Variants in RALYL observed in about 807,000 individuals in gnomAD.
RALYL encodes the protein RNA-binding Raly-like protein.
RALYL carries 29 observed loss-of-function variants against 35.1 expected under a neutral mutation model. The ratio of observed to expected loss-of-function variants is 0.83; its 90% CI spans 0.61 to 1.13. The LOEUF is 1.13. RALYL is among the 50% of genes most tolerant of loss of function. RALYL has a pLI of 0.00. For synonymous variants in RALYL, 120 were observed against 127.6 expected, an observed-to-expected ratio of 0.94 and a Z score of 0.40; for missense variants, 359 against 360.4, an observed-to-expected ratio of 1.00 and a Z score of 0.03.
chr8:84,430,956 T>C lies in RALYL; in HGVS notation c.-23-98343T>C, dbSNP rs555222910. ...CAGCTGGGCTTCATAATGTCCTACTTATTTCCTGTGTTATGTGAGGTTTGT... is the reference window on the plus strand; with the variant it reads ...CAGCTGGGCTTCATAATGTCCTACTCATTTCCTGTGTTATGTGAGGTTTGT... On this transcript the variant is annotated intron_variant, in intron 1 of 8. Coordinates refer to ENST00000521268, the MANE Select transcript of RALYL (RefSeq NM_173848.7). Among the ~76,000 whole-genome samples the C allele has an allele frequency of 3.9e-5, 6 of 152,256 alleles. No individual in the cohort carries two copies. In the East Asian group the frequency reaches 1.2e-3, roughly 29 times the overall value.
At chr8:84,782,031 GCACA>G (rs35098202) in intron 3 of RALYL, among the ~76,000 whole-genome samples, 15,609 of 148,290 alleles carry the variant, frequency 0.11, 1,738 homozygotes, top group African/African-American at 0.29. Context: ...GCACACGCGC[GCACA>G]CACACACACA....
chr8:84,879,936 T>C (rs1292270799), intron 7 of RALYL, among the ~76,000 whole-genome samples: 2 of 151,990 alleles, frequency 1.3e-5, no homozygotes, highest in Non-Finnish European at 1.5e-5. Flanking sequence ...GGAGATAAAA[T>C]TGAACTCAAC....
chr8:84,702,702 A>C (rs1312044500), intron 2 of RALYL, among the ~76,000 whole-genome samples: 1 of 151,688 alleles, frequency 6.6e-6, no homozygotes, highest in African/African-American at 2.4e-5. Flanking sequence ...TATATTATAC[A>C]TTTATATTAA....
At chr8:84,437,987 CA>C (rs1190568750) in intron 1 of RALYL, among the ~76,000 whole-genome samples, 1 of 152,112 alleles carries the variant, frequency 6.6e-6, no homozygotes, top group Non-Finnish European at 1.5e-5. Context: ...TATAGCAATG[CA>C]AGAACAGCCT....
rs565885707 is a variant in RALYL, at chr8:84,278,128, G to A, written c.-24+93704G>A. ...CAAACTTCTGCCTAGACATACAGGA[G>A]TTTCCATACATCCTCTGAAATCTAG... On this transcript the variant is annotated intron_variant, in intron 1 of 8. Coordinates refer to ENST00000521268, the MANE Select transcript of RALYL (RefSeq NM_173848.7). 2.1e-3 allele frequency among the ~76,000 whole-genome samples: 318 copies of A among 152,338 alleles called. 1 individual carries two copies. The highest frequency in any genetic ancestry group is 5.9e-3 in the Admixed American group (91 of 15,312).
Position 84,641,383 on chromosome 8 carries a change from G to A in RALYL, c.256+111806G>A, listed in dbSNP as rs559080427. 3.3e-5 allele frequency among the ~76,000 whole-genome samples: 5 copies of A among 151,782 alleles called. No individual in the cohort carries two copies. The South Asian group carries it at 1.0e-3, about 31-fold the overall frequency. On this transcript the variant is annotated intron_variant, in intron 2 of 8. Coordinates refer to ENST00000521268, the MANE Select transcript of RALYL (RefSeq NM_173848.7). ...AGAAATCCTGAACTATTTGTCAGAT[G>A]TTAGCATTTTATAGATTAAGCCATT...
chr8:84,787,360 A>C (rs1232721612), intron 3 of RALYL, among the ~76,000 whole-genome samples: 1 of 152,180 alleles, frequency 6.6e-6, no homozygotes, highest in Non-Finnish European at 1.5e-5. Context: ...ATGGCTGCAT[A>C]GTATTCCATT....
At chr8:84,209,300 ACCTCCC>A (rs1395197705) in intron 1 of RALYL, among the ~76,000 whole-genome samples, 3 of 151,958 alleles carry the variant, frequency 2.0e-5, no homozygotes, top group Non-Finnish European at 2.9e-5. Flanking sequence ...GTTTTTTGTA[ACCTCCC>A]TTTCTGTGGC....
intron 7 of RALYL, among the ~76,000 whole-genome samples, chr8:84,881,919 A>C (rs1337826896): frequency 6.6e-6 from 1 of 151,992 alleles, no homozygotes; most frequent in Non-Finnish European, 1.5e-5. Context: ...TTATAAGATC[A>C]GAAATTTAAA....
At chr8:84,379,663 AAAAAAC>A (rs1437067413) in intron 1 of RALYL, among the ~76,000 whole-genome samples, 3 of 151,860 alleles carry the variant, frequency 2.0e-5, no homozygotes, top group Non-Finnish European at 4.4e-5. Context: ...ACAAACAAAC[AAAAAAC>A]AAAAACAAAA....
At chr8:84,468,664 G>C (rs888564718) in intron 1 of RALYL, among the ~76,000 whole-genome samples, 2 of 148,554 alleles carry the variant, frequency 1.3e-5, no homozygotes, top group African/African-American at 2.5e-5. Context: ...GGCGTTCTCT[G>C]TATTTCCTGA....
At chr8:84,550,321 G>T (rs1414595960) in intron 2 of RALYL, among the ~76,000 whole-genome samples, 1 of 151,750 alleles carries the variant, frequency 6.6e-6, no homozygotes, top group East Asian at 1.9e-4. Flanking sequence ...TTTTCTTTCA[G>T]AATTTTAAAG....
intron 2 of RALYL, among the ~76,000 whole-genome samples, chr8:84,620,798 G>C (rs1201847381): frequency 1.3e-5 from 2 of 152,152 alleles, no homozygotes; most frequent in African/African-American, 4.8e-5. Flanking sequence ...CTGTTTGTTA[G>C]TTTTCCTTCT....
At chr8:84,401,769 T>A (rs1020199238) in intron 1 of RALYL, among the ~76,000 whole-genome samples, 2 of 151,980 alleles carry the variant, frequency 1.3e-5, no homozygotes, top group African/African-American at 4.8e-5. Flanking sequence ...GCACTGTTTT[T>A]GAGACATATT....
At chr8:84,802,260 G>T (rs1372696656) in intron 3 of RALYL, among the ~76,000 whole-genome samples, 1 of 152,082 alleles carries the variant, frequency 6.6e-6, no homozygotes, top group African/African-American at 2.4e-5. Flanking sequence ...CTCTTCTTTT[G>T]ATATTTTCCA....
intron 1 of RALYL, among the ~76,000 whole-genome samples, chr8:84,380,334 G>A (rs1194657923): frequency 6.6e-6 from 1 of 151,864 alleles, no homozygotes; most frequent in African/African-American, 2.4e-5. Context: ...TTTCTGAGAT[G>A]TAAGCCAACC....
intron 4 of RALYL, among the ~76,000 whole-genome samples, chr8:84,821,933 TA>T (rs1828615736): frequency 6.6e-6 from 1 of 152,140 alleles, no homozygotes; most frequent in African/African-American, 2.4e-5. Flanking sequence ...ATTTCCTTAG[TA>T]AAAATTTCAC....
intron 2 of RALYL, among the ~76,000 whole-genome samples, chr8:84,722,823 T>C (rs1332365260): frequency 6.7e-6 from 1 of 148,984 alleles, no homozygotes; most frequent in Admixed American, 6.7e-5. Flanking sequence ...GACAATTTTG[T>C]ATAAAAAAGG....
At chr8:84,215,019 C>A (rs1820444085) in intron 1 of RALYL, among the ~76,000 whole-genome samples, 1 of 151,874 alleles carries the variant, frequency 6.6e-6, no homozygotes, top group African/African-American at 2.4e-5. Flanking sequence ...CATTCTCCTG[C>A]CTCAGCCTCC....
Sources: allele counts gnomAD v4.1 joint callset (sites outside exome capture counted in the v4.1 genomes callset), GRCh38; gene constraint gnomAD v4.1.1; transcripts MANE v1.5; gene names NCBI Gene and HGNC (gene_info 2026-07-23, HGNC 2026-07-21).